Variants in ARL13B observed in about 807,000 individuals in gnomAD.
The protein encoded by ARL13B is ADP-ribosylation factor-like protein 13B.
In ARL13B, 36 loss-of-function variants were observed where a neutral mutation model predicts 56.1. The ratio of observed to expected loss-of-function variants is 0.64; its 90% CI spans 0.49 to 0.85. The LOEUF is 0.85. Ranked by LOEUF, ARL13B falls within the 40% of genes least tolerant of loss-of-function variation. ARL13B has a pLI of 0.00. For synonymous variants in ARL13B, 178 were observed against 171.1 expected, an observed-to-expected ratio of 1.04 and a Z score of -0.32; for missense variants, 519 against 507.1, an observed-to-expected ratio of 1.02 and a Z score of -0.23.
intron 3 of ARL13B, among the ~76,000 whole-genome samples, chr3:94,032,904 T>C (rs1029893670): frequency 5.9e-5 from 9 of 152,180 alleles, no homozygotes; most frequent in Non-Finnish European, 7.3e-5. Flanking sequence ...AGAAAAGATA[T>C]CTGAACTCAA....
intron 7 of ARL13B, among the ~76,000 whole-genome samples, chr3:94,045,654 C>A (rs1397749011): frequency 6.6e-6 from 1 of 151,630 alleles, no homozygotes; most frequent in Admixed American, 6.6e-5. Flanking sequence ...CTCATACTAC[C>A]CAATTTAAGA....
intron 3 of ARL13B, among the ~76,000 whole-genome samples, chr3:94,015,912 T>G (rs1293998791): frequency 1.3e-5 from 2 of 152,204 alleles, no homozygotes; most frequent in Admixed American, 6.5e-5. Context: ...TTTCTCATTC[T>G]TAGCATTCTT....
At chr3:94,050,959 T>TA in intron 9 of ARL13B, 67 bp downstream of exon 9, 3 of 1,454,664 alleles carry the variant, frequency 2.1e-6, no homozygotes, top group Non-Finnish European at 2.9e-6. Flanking sequence ...TTTAGCCTTA[T>TA]AATTTCAACA....
At chr3:93,998,294 A>G (rs528940053) in intron 2 of ARL13B, among the ~76,000 whole-genome samples, 4 of 152,252 alleles carry the variant, frequency 2.6e-5, no homozygotes, top group East Asian at 1.9e-4. Context: ...CTAATTTGTT[A>G]TGTATACTGG....
In ARL13B at chr3:94,049,481, G is replaced by A. The variant is rs754801980; in HGVS notation, c.1100G>A (p.Cys367Tyr). The change falls in exon 8 of 10, where the codon TGT becomes TAT. Residue 367 changes from cysteine to tyrosine, a missense_variant. Physicochemically the swap from Cys to Tyr is radical, Grantham distance 194. Transcript: ENST00000394222. ...HRVEPLNIDD[C>Y]APESPTPPPP... ...GTAGAACCACTTAATATAGATGACT[G>A]TGCTCCTGAGAGTCCAACGCCACCC... 8.7e-6 allele frequency: 14 copies of A among 1,611,324 alleles called. No individual in the cohort carries two copies. The East Asian group carries it at 3.1e-4, about 36-fold the overall frequency.
chr3:94,043,883 C>T (rs2076922522), intron 7 of ARL13B, among the ~76,000 whole-genome samples: 1 of 150,342 alleles, frequency 6.7e-6, no homozygotes, highest in East Asian at 2.1e-4. Flanking sequence ...GTCTCCAGCT[C>T]CTGGCCTTGG....
At chr3:94,049,659 C>A (rs2107192953) in intron 8 of ARL13B, 137 bp downstream of exon 8, 1 of 604,140 alleles carries the variant, frequency 1.7e-6, no homozygotes, top group Non-Finnish European at 2.7e-6. Flanking sequence ...GAATCTTTTA[C>A]TCTGATTTGG....
chr3:94,010,400 G>A (rs576841353), intron 3 of ARL13B, among the ~76,000 whole-genome samples: 3 of 152,102 alleles, frequency 2.0e-5, no homozygotes, highest in Admixed American at 1.3e-4. Flanking sequence ...TTCATCTTAC[G>A]AATTCAAGCT....
Position 94,003,900 on chromosome 3 carries a change from T to C in ARL13B, c.372T>C (p.Pro124=). The change falls in exon 3 of 10, where the codon CCT becomes CCC. Residue 124 remains proline, a synonymous_variant. Coordinates refer to ENST00000394222, the MANE Select transcript of ARL13B (RefSeq NM_001174150.2). ...MLRHPRISGK[P]ILVLANKQDK... ...GACATCCTAGGATATCGGGAAAGCCTATATTGGTGTAAGTAATGTTAGCAT... is the reference window on the plus strand; with the variant it reads ...GACATCCTAGGATATCGGGAAAGCCCATATTGGTGTAAGTAATGTTAGCAT... 1 of 1,613,230 alleles carries C rather than the reference T, an allele frequency of 6.2e-7. No individual in the cohort carries two copies. Among genetic ancestry groups the C allele is most frequent in the Non-Finnish European group, 8.5e-7 (1 of 1,179,502 alleles).
Position 94,054,580 on chromosome 3 carries a change from C to T in ARL13B, c.*1317C>T. The T allele has an allele frequency of 2.5e-6, 1 of 396,944 alleles. No individual in the cohort carries two copies. The highest frequency in any genetic ancestry group is 1.9e-5 in the South Asian group (1 of 52,034). The allele number at this position is 396,944 out of a possible 1,614,324, so 24.6% of individuals were successfully genotyped here. The stretch of plus-strand genomic sequence containing the variant: ...TGGTAACTTGTACTGACACAACAGA[C>T]ATGTGCTAGTATCTGATAACATTAA... On this transcript the variant is annotated 3_prime_UTR_variant, in exon 10 of 10. Coordinates refer to ENST00000394222, the MANE Select transcript of ARL13B (RefSeq NM_001174150.2).
In ARL13B at chr3:94,053,444, A is replaced by G; in HGVS notation, c.*181A>G. On this transcript the variant is annotated 3_prime_UTR_variant, in exon 10 of 10. Transcript: ENST00000394222. Reference sequence around the variant, plus strand: ...TTACTTATTTGTGTTTTTCATGGTTAAAAAAATAAAAGAAGCACAATGACC... The same window carrying G: ...TTACTTATTTGTGTTTTTCATGGTTGAAAAAATAAAAGAAGCACAATGACC... The G allele has an allele frequency of 1.4e-6, 1 of 707,484 alleles. No individual in the cohort carries two copies. Among genetic ancestry groups the G allele is most frequent in the Non-Finnish European group, 2.5e-6 (1 of 396,012 alleles). The allele number at this position is 707,484 out of a possible 1,614,324, so 43.8% of individuals were successfully genotyped here.
At chr3:94,013,733 G>A (rs537279895) in intron 3 of ARL13B, among the ~76,000 whole-genome samples, 2 of 152,304 alleles carry the variant, frequency 1.3e-5, no homozygotes, top group South Asian at 2.1e-4. Context: ...ATCACTGGAG[G>A]TCAGGAATTT....
At chr3:94,033,088 G>A (rs889161257) in intron 3 of ARL13B, among the ~76,000 whole-genome samples, 1 of 152,172 alleles carries the variant, frequency 6.6e-6, no homozygotes, top group Non-Finnish European at 1.5e-5. Context: ...GGATGGAGCT[G>A]GAGGTCATTT....
chr3:94,021,937 T>TCATGG (rs2076456903), intron 3 of ARL13B, among the ~76,000 whole-genome samples: 1 of 152,112 alleles, frequency 6.6e-6, no homozygotes. Context: ...ACAAGTCAAG[T>TCATGG]CATGTCAAGG....
chr3:93,997,348 G>A (rs2075984342), intron 2 of ARL13B, among the ~76,000 whole-genome samples: 1 of 152,130 alleles, frequency 6.6e-6, no homozygotes, highest in Non-Finnish European at 1.5e-5. Context: ...TCTGGAAACT[G>A]ATGATTGCAG....
chr3:94,019,332 GACT>G (rs2076400212), intron 3 of ARL13B, among the ~76,000 whole-genome samples: 1 of 152,076 alleles, frequency 6.6e-6, no homozygotes, highest in African/African-American at 2.4e-5. Flanking sequence ...GAGTAGCTGG[GACT>G]ACAGGCACAT....
At chr3:94,001,317 C>T (rs1307963181) in intron 2 of ARL13B, among the ~76,000 whole-genome samples, 1 of 151,978 alleles carries the variant, frequency 6.6e-6, no homozygotes, top group Non-Finnish European at 1.5e-5. Flanking sequence ...CTGTCTCTGC[C>T]TGCTATATAA....
At position 94,053,396 on chromosome 3, in the gene ARL13B, T is replaced by C. The variant is rs773186584; in HGVS notation, c.*133T>C. 6.1e-6 allele frequency: 5 copies of C among 815,814 alleles called. No individual in the cohort carries two copies. The African/African-American group carries it at 8.4e-5, about 14-fold the overall frequency. 50.5% of individuals were successfully genotyped at this position (815,814 alleles called of 1,614,324 possible). A position where few individuals can be genotyped will look rare whatever the true frequency, so the allele number is the denominator to read the frequency against. ...ATAATAATTTTAGTGAGAAGATTAA[T>C]ACTCAAGGACCTGACTTGATAATTA... On this transcript the variant is annotated 3_prime_UTR_variant, in exon 10 of 10. Coordinates refer to ENST00000394222, the MANE Select transcript of ARL13B (RefSeq NM_001174150.2).
Position 93,980,347 on chromosome 3 carries a change from G to T in ARL13B, c.-77G>T. ...CACTTTAGGGGCGTCTCGGAGTGCC[G>T]GAGGCCCCCGGGGAAGAGCGGGGTG... is the stretch of plus-strand genomic sequence containing the variant. On this transcript the variant is annotated 5_prime_UTR_variant, in exon 1 of 10. Transcript: ENST00000394222. 6.3e-7 allele frequency: 1 copy of T among 1,578,858 alleles called. No homozygotes were observed.
Sources: gnomAD v4.1 joint callset for allele counts (sites outside exome capture counted in the v4.1 genomes callset) on GRCh38, gnomAD v4.1.1 for gene constraint, MANE v1.5 for transcripts, NCBI Gene and HGNC (gene_info 2026-07-23, HGNC 2026-07-21) for gene names.